Variants in DGKB observed in about 807,000 individuals in gnomAD.
The protein encoded by DGKB is diacylglycerol kinase beta, also known as 90 kDa diacylglycerol kinase.
In DGKB, 67 loss-of-function variants were observed where a neutral mutation model predicts 114.3. The observed-to-expected ratio is 0.59, with a 90% confidence interval of 0.48 to 0.72. DGKB has a LOEUF of 0.72. Ranked by LOEUF, DGKB falls within the 30% of genes least tolerant of loss-of-function variation. The pLI is 0.00. For synonymous variants in DGKB, 398 were observed against 323.1 expected (o/e 1.23, Z -2.49); for missense variants, 907 against 975.2 (o/e 0.93, Z 0.93).
chr7:14,318,447 A>G (rs1438047067), intron 23 of DGKB, among the ~76,000 whole-genome samples: 1 of 152,200 alleles, frequency 6.6e-6, no homozygotes, highest in Non-Finnish European at 1.5e-5. Context: ...CAAGAAAAAA[A>G]CAAACAACCC....
At chr7:14,415,255 T>C (rs1367134536) in intron 21 of DGKB, among the ~76,000 whole-genome samples, 2 of 151,380 alleles carry the variant, frequency 1.3e-5, no homozygotes, top group South Asian at 2.1e-4. Context: ...CATTCATATA[T>C]ATACATATTT....
chr7:14,603,346 A>G (rs901088415), intron 17 of DGKB, among the ~76,000 whole-genome samples: 5 of 152,224 alleles, frequency 3.3e-5, no homozygotes, highest in African/African-American at 1.2e-4. Flanking sequence ...AATTTGCAAC[A>G]GAGCTCAATT....
At chr7:14,250,882 T>TA (rs1413330448) in intron 23 of DGKB, among the ~76,000 whole-genome samples, 3 of 152,230 alleles carry the variant, frequency 2.0e-5, no homozygotes, top group African/African-American at 7.2e-5. Flanking sequence ...CATAATGTAA[T>TA]AACCTTCTTT....
At chr7:14,876,365 G>A (rs761445974) in intron 1 of DGKB, among the ~76,000 whole-genome samples, 1 of 152,244 alleles carries the variant, frequency 6.6e-6, no homozygotes, top group Non-Finnish European at 1.5e-5. Flanking sequence ...GCAGGAGCAG[G>A]CACAGAGCCG....
At chr7:14,790,232 A>G (rs1840477538) in intron 2 of DGKB, among the ~76,000 whole-genome samples, 1 of 152,060 alleles carries the variant, frequency 6.6e-6, no homozygotes, top group Admixed American at 6.6e-5. Flanking sequence ...ATGTTCTCCC[A>G]CTGTCTACCT....
chr7:14,894,619 C>A (rs191337967), intron 1 of DGKB, among the ~76,000 whole-genome samples: 238 of 151,606 alleles, frequency 1.6e-3, no homozygotes, highest in African/African-American at 5.3e-3. Context: ...GTTTTGTTTA[C>A]TGAAAGTGCT....
In DGKB at chr7:14,340,792, C is replaced by T. The variant is rs946018695; in HGVS notation, c.1927-2082G>A. Among the ~76,000 whole-genome samples the T allele has an allele frequency of 8.6e-5, 13 of 151,788 alleles. 1 individual carries two copies. Among genetic ancestry groups the T allele is most frequent in the African/African-American group, 2.9e-4 (12 of 41,474 alleles). On this transcript the variant is annotated intron_variant, in intron 22 of 25. Coordinates refer to ENST00000402815, the MANE Select transcript of DGKB (RefSeq NM_001350709.2). Reference sequence around the variant, plus strand: ...AAACTGACTAAAATCATTTAAATAACAGAAGAATCATGAAATAAGCTGGAG... The same window carrying T: ...AAACTGACTAAAATCATTTAAATAATAGAAGAATCATGAAATAAGCTGGAG...
At position 14,676,483 on chromosome 7, in the gene DGKB, T is replaced by C. The variant is rs537478414; in HGVS notation, c.1036-3456A>G. On this transcript the variant is annotated intron_variant, in intron 12 of 25. Coordinates refer to ENST00000402815, the MANE Select transcript of DGKB (RefSeq NM_001350709.2). Reference sequence around the variant, plus strand: ...GCTTGAAAGGATGGATACCCCATTCTCCATGATGTGCTTATTTCACATTGC... The same window carrying C: ...GCTTGAAAGGATGGATACCCCATTCCCCATGATGTGCTTATTTCACATTGC... 4.5e-4 allele frequency among the ~76,000 whole-genome samples: 68 copies of C among 152,254 alleles called. 1 individual carries two copies. The highest frequency in any genetic ancestry group is 1.2e-3 in the South Asian group (6 of 4,834).
At chr7:14,315,644 T>C (rs1806331925) in intron 23 of DGKB, among the ~76,000 whole-genome samples, 10 of 144,154 alleles carry the variant, frequency 6.9e-5, no homozygotes, top group African/African-American at 2.7e-4. Flanking sequence ...AAGTCCTGAG[T>C]GACCTACAAA....
At chr7:14,422,378 C>A (rs1826849181) in intron 21 of DGKB, among the ~76,000 whole-genome samples, 1 of 151,980 alleles carries the variant, frequency 6.6e-6, no homozygotes, top group Admixed American at 6.6e-5. Flanking sequence ...CAGTCAAAAA[C>A]TCTGCGAATA....
chr7:14,363,746 A>G lies in DGKB; in HGVS notation c.1836-18355T>C, dbSNP rs117671483. ...TTATCTTTTTGAGCAATTATTTGCT[A>G]CAAGAGCATTCAGGAAATAGAAGCA... On this transcript the variant is annotated intron_variant, in intron 21 of 25. Transcript: ENST00000402815. Among the ~76,000 whole-genome samples the G allele has an allele frequency of 4.5e-3, 679 of 152,264 alleles. 6 individuals carry two copies. The highest frequency in any genetic ancestry group is 8.0e-3 in the Non-Finnish European group (541 of 68,000).
chr7:14,646,135 C>T (rs762047294), intron 13 of DGKB, among the ~76,000 whole-genome samples: 1 of 152,154 alleles, frequency 6.6e-6, no homozygotes, highest in Admixed American at 6.5e-5. Context: ...TCTCACTTCA[C>T]TTGCAAAGAC....
At chr7:14,704,047 C>T (rs536612330) in intron 6 of DGKB, among the ~76,000 whole-genome samples, 1 of 150,270 alleles carries the variant, frequency 6.7e-6, no homozygotes, top group Admixed American at 6.6e-5. Flanking sequence ...CCCTTTCATC[C>T]TCCCCCATCA....
intron 20 of DGKB, among the ~76,000 whole-genome samples, chr7:14,553,828 A>G (rs1017735715): frequency 7.1e-6 from 1 of 139,928 alleles, no homozygotes; most frequent in East Asian, 2.1e-4. Flanking sequence ...TTTCATATAC[A>G]TATTTTGATA....
intron 13 of DGKB, among the ~76,000 whole-genome samples, chr7:14,655,041 A>C (rs1444184434): frequency 2.6e-5 from 4 of 151,928 alleles, no homozygotes; most frequent in Non-Finnish European, 5.9e-5. Flanking sequence ...AGACTATATG[A>C]AACTTTTAAA....
At chr7:14,264,870 GGTT>G (rs1212063940) in intron 23 of DGKB, among the ~76,000 whole-genome samples, 4 of 152,014 alleles carry the variant, frequency 2.6e-5, no homozygotes, top group South Asian at 2.1e-4. Flanking sequence ...GAAAAATGGG[GGTT>G]GTTGTTTTAA....
chr7:14,534,989 C>T (rs1792192620), intron 20 of DGKB, among the ~76,000 whole-genome samples: 1 of 151,846 alleles, frequency 6.6e-6, no homozygotes, highest in African/African-American at 2.4e-5. Context: ...TATCATGAGA[C>T]AAAAATGAAA....
chr7:14,429,560 A>G (rs1828104025), intron 21 of DGKB, among the ~76,000 whole-genome samples: 2 of 152,112 alleles, frequency 1.3e-5, no homozygotes, highest in Non-Finnish European at 2.9e-5. Flanking sequence ...CACATGGAAG[A>G]TATATCTGAA....
At chr7:14,603,451 T>G (rs1525089) in intron 17 of DGKB, among the ~76,000 whole-genome samples, 42,066 of 152,006 alleles carry the variant, frequency 0.28, 6,607 homozygotes, top group East Asian at 0.69. Flanking sequence ...GGTCATAAGC[T>G]CTGATTTTCC....
Sources: gnomAD v4.1 joint callset for allele counts (sites outside exome capture counted in the v4.1 genomes callset) on GRCh38, gnomAD v4.1.1 for gene constraint, MANE v1.5 for transcripts, NCBI Gene and HGNC (gene_info 2026-07-23, HGNC 2026-07-21) for gene names.